The following FAAH2 variants were observed in gnomAD, a reference collection of about 807,000 sequenced individuals.
The protein encoded by FAAH2 is fatty-acid amide hydrolase 2.
FAAH2 carries 60 observed loss-of-function variants against 36.9 expected under a neutral mutation model. That is an observed-to-expected ratio of 1.63 (90% CI 1.32 to 2.02). The LOEUF is 2.02. FAAH2 is among the 30% of genes most tolerant of loss of function. FAAH2 has a pLI of 0.00. For synonymous variants in FAAH2, 214 were observed against 143.8 expected (o/e 1.49, Z -3.49); for missense variants, 689 against 397.5 (o/e 1.73, Z -6.23).
chrX:57,446,799 T>G lies in FAAH2; in HGVS notation c.1117-129T>G, dbSNP rs774056424. Reference sequence around the variant, plus strand: ...ATATTTTATCAATAAATTTTATTTATGTATTCATCAATTGACTGGTATTTT... The same window carrying G: ...ATATTTTATCAATAAATTTTATTTAGGTATTCATCAATTGACTGGTATTTT... On this transcript the variant is annotated intron_variant, in intron 8 of 10. Transcript: ENST00000374900. 1.6e-5 allele frequency: 7 copies of G among 427,179 alleles called. No homozygotes were observed. The South Asian group carries it at 3.1e-4, about 19-fold the overall frequency. The allele number at this position is 427,179 out of a possible 1,213,427, so 35.2% of individuals were successfully genotyped here.
intron 8 of FAAH2, among the ~76,000 whole-genome samples, chrX:57,435,503 G>T (rs754357738): frequency 2.7e-5 from 3 of 109,851 alleles, no homozygotes; most frequent in Non-Finnish European, 5.7e-5. Flanking sequence ...GTTGAAAAAA[G>T]ATATTTTATG....
chrX:57,161,010 T>C, the FAAH2 span, among the ~76,000 whole-genome samples: 1 of 112,179 alleles, frequency 8.9e-6, no homozygotes, highest in Non-Finnish European at 1.9e-5. Context: ...GCTATAAATT[T>C]CCCTCTACAC....
intron 7 of FAAH2, 131 bp from the exon 8 acceptor site, chrX:57,431,787 G>GTTTTTTTTTTTTTTTTTTGTTTTTTTTT (rs58140227): frequency 8.1e-6 from 1 of 122,888 alleles, no homozygotes; most frequent in African/African-American, 3.9e-5. Flanking sequence ...TTGTTTTTTT[G>GTTTTTTTTTTTTTTTTTTGTTTTTTTTT]TTTTTTTTGG....
the FAAH2 span, among the ~76,000 whole-genome samples, chrX:57,142,570 T>A: frequency 8.9e-6 from 1 of 112,244 alleles, no homozygotes; most frequent in African/African-American, 3.2e-5. Context: ...GAGAAGAATG[T>A]GTATTCTGCT....
At chrX:57,299,201 C>T (rs917171403) in intron 2 of FAAH2, among the ~76,000 whole-genome samples, 2 of 111,767 alleles carry the variant, frequency 1.8e-5, no homozygotes, top group South Asian at 3.7e-4. Flanking sequence ...ATGCAAAAAT[C>T]CTCAATAAAA....
At chrX:57,418,563 C>T (rs2055910209) in intron 7 of FAAH2, among the ~76,000 whole-genome samples, 1 of 111,128 alleles carries the variant, frequency 9.0e-6, no homozygotes, top group Non-Finnish European at 1.9e-5. Flanking sequence ...GCTTCACCCA[C>T]TGTCTAACCA....
intron 7 of FAAH2, among the ~76,000 whole-genome samples, chrX:57,382,194 T>A (rs887172751): frequency 1.8e-5 from 2 of 111,091 alleles, no homozygotes; most frequent in Non-Finnish European, 3.8e-5. Flanking sequence ...AGGGAAATTT[T>A]TAGCACTAAA....
intron 8 of FAAH2, among the ~76,000 whole-genome samples, chrX:57,445,722 C>G (rs2056660124): frequency 8.9e-6 from 1 of 112,262 alleles, no homozygotes; most frequent in Admixed American, 9.5e-5. Context: ...ATCTTCTGTA[C>G]TTTTCCCACT....
chrX:57,477,725 T>G (rs1241107211), intron 10 of FAAH2, among the ~76,000 whole-genome samples: 2 of 106,461 alleles, frequency 1.9e-5, no homozygotes, highest in Admixed American at 2.1e-4. Flanking sequence ...CACCTATGAG[T>G]GAGAACATGC....
intron 3 of FAAH2, among the ~76,000 whole-genome samples, chrX:57,313,291 G>C (rs1483822381): frequency 9.1e-6 from 1 of 109,892 alleles, no homozygotes; most frequent in Non-Finnish European, 1.9e-5. Flanking sequence ...AAGAGAGAAG[G>C]AGAGAGAATA....
the FAAH2 span, among the ~76,000 whole-genome samples, chrX:57,196,947 CT>C: frequency 1.8e-5 from 2 of 111,880 alleles, no homozygotes; most frequent in Non-Finnish European, 3.8e-5. Context: ...GGATGTTTTC[CT>C]TTATTTCTTC....
intron 7 of FAAH2, among the ~76,000 whole-genome samples, chrX:57,407,233 G>A (rs2055588599): frequency 8.9e-6 from 1 of 111,889 alleles, no homozygotes; most frequent in Admixed American, 9.5e-5. Context: ...AGTGAAATAA[G>A]AGCTGAGATT....
chrX:57,333,274 A>C (rs1320010251), intron 4 of FAAH2, among the ~76,000 whole-genome samples: 1 of 111,764 alleles, frequency 8.9e-6, no homozygotes, highest in African/African-American at 3.3e-5. Context: ...GTAAACACAG[A>C]CTAACCCCTA....
At chrX:57,423,213 T>G (rs191688972) in intron 7 of FAAH2, among the ~76,000 whole-genome samples, 34 of 111,953 alleles carry the variant, frequency 3.0e-4, no homozygotes, top group African/African-American at 1.1e-3. Flanking sequence ...TGCACGGAAA[T>G]CTACTATCCA....
At chrX:57,250,094 A>T in the FAAH2 span, among the ~76,000 whole-genome samples, 9 of 112,332 alleles carry the variant, frequency 8.0e-5, no homozygotes, top group African/African-American at 2.9e-4. Flanking sequence ...GCATTTAAAA[A>T]TTTATTTTGA....
At chrX:57,406,878 A>T (rs1167719368) in intron 7 of FAAH2, among the ~76,000 whole-genome samples, 1 of 112,641 alleles carries the variant, frequency 8.9e-6, no homozygotes, top group African/African-American at 3.2e-5. Context: ...GAACAACCAC[A>T]AAGTGCACTT....
Position 57,389,743 on chromosome X carries a change from G to A in FAAH2, c.996+8714G>A, listed in dbSNP as rs140866635. On this transcript the variant is annotated intron_variant, in intron 7 of 10. Transcript: ENST00000374900. ...TACTTCAAATATATTACTAGACGTA[G>A]CATTGCTGGATCATATGGTAGTTCT... Among the ~76,000 whole-genome samples the A allele has an allele frequency of 4.2e-3, 469 of 110,934 alleles. 1 individual carries two copies. The highest frequency in any genetic ancestry group is 0.014 in the African/African-American group (430 of 30,629).
intron 5 of FAAH2, among the ~76,000 whole-genome samples, chrX:57,345,607 C>T (rs186037838): frequency 1.8e-5 from 2 of 110,750 alleles, no homozygotes; most frequent in East Asian, 5.7e-4. Flanking sequence ...TTTGTATGAA[C>T]TTTTGCATGT....
the FAAH2 span, among the ~76,000 whole-genome samples, chrX:57,143,057 C>T: frequency 6.3e-5 from 7 of 111,188 alleles, no homozygotes; most frequent in Admixed American, 1.9e-4. Flanking sequence ...TTTTTTGATT[C>T]ATTCAGCCAC....
Sources: gnomAD v4.1 joint callset for allele counts (sites outside exome capture counted in the v4.1 genomes callset) on GRCh38, gnomAD v4.1.1 for gene constraint, MANE v1.5 for transcripts, NCBI Gene and HGNC (gene_info 2026-07-23, HGNC 2026-07-21) for gene names.